Variants in DNAH17 observed in about 807,000 individuals in gnomAD.
DNAH17 encodes dynein axonemal heavy chain 17, also known as axonemal beta dynein heavy chain 17.
Under a neutral mutation model 485.6 loss-of-function variants are expected in DNAH17, and 376 were observed. That is an observed-to-expected ratio of 0.77 (90% CI 0.71 to 0.84). The LOEUF is 0.84. Ranked by LOEUF, DNAH17 falls within the 40% of genes least tolerant of loss-of-function variation. The pLI, the probability that DNAH17 is intolerant of heterozygous loss-of-function variation, is 0.00. For missense variants in DNAH17, 6,370 were observed against 5,839.3 expected (o/e 1.09, Z -2.96); for synonymous variants, 3,031 against 2,405.9 (o/e 1.26, Z -7.60).
intron 14 of DNAH17, among the ~76,000 whole-genome samples, chr17:78,553,389 C>T (rs528132162): frequency 4.3e-4 from 61 of 142,734 alleles, no homozygotes; most frequent in African/African-American, 1.6e-3. Context: ...GCAATCTCTG[C>T]CTCCCGGGTT....
At chr17:78,478,291 TCCA>T (rs947867064) in intron 51 of DNAH17, among the ~76,000 whole-genome samples, 25 of 79,608 alleles carry the variant, frequency 3.1e-4, no homozygotes, top group South Asian at 8.5e-4. Context: ...CATTATCATC[TCCA>T]CCACCATCAC....
In DNAH17 at chr17:78,507,825, A is replaced by G. The variant is rs772205846; in HGVS notation, c.4237-20T>C. 4 of 1,523,770 alleles carry G rather than the reference A, an allele frequency of 2.6e-6. No homozygotes were observed. Among genetic ancestry groups the G allele is most frequent in the South Asian group, 2.4e-5 (2 of 82,424 alleles). 94.4% of individuals were successfully genotyped at this position (1,523,770 alleles called of 1,614,324 possible). A position where few individuals can be genotyped will look rare whatever the true frequency, so the allele number is the denominator to read the frequency against. On this transcript the variant is annotated intron_variant, in intron 27 of 80. Coordinates refer to ENST00000389840, the MANE Select transcript of DNAH17 (RefSeq NM_173628.4). ...CAGCACCTTTTGGGGGAACAGAAAA[A>G]TAAGGTCACTGAGCATTTGGCATGC...
intron 48 of DNAH17, among the ~76,000 whole-genome samples, chr17:78,482,015 AAAAAT>A (rs778585316): frequency 2.0e-5 from 3 of 152,040 alleles, no homozygotes; most frequent in African/African-American, 7.2e-5. Flanking sequence ...ATTTCATTTC[AAAAAT>A]AAAATAAAAT....
intron 20 of DNAH17, among the ~76,000 whole-genome samples, chr17:78,532,208 CTCTT>C (rs913196979): frequency 7.9e-5 from 12 of 152,202 alleles, no homozygotes. Context: ...ACAATAAAGG[CTCTT>C]TATTTTCCCC....
intron 65 of DNAH17, among the ~76,000 whole-genome samples, chr17:78,452,416 T>C (rs1023235564): frequency 6.6e-6 from 1 of 152,044 alleles, no homozygotes; most frequent in Non-Finnish European, 1.5e-5. Context: ...GACTGACACA[T>C]GCGACCACGT....
chr17:78,429,015 C>T, intron 76 of DNAH17, 106 bp downstream of exon 76: 1 of 1,277,386 alleles, frequency 7.8e-7, no homozygotes, highest in Non-Finnish European at 1.1e-6. Context: ...ATTTTGGCTG[C>T]CTGGGTTCTT....
At chr17:78,458,476 C>G in intron 62 of DNAH17, 89 bp downstream of exon 62, 1 of 1,132,518 alleles carries the variant, frequency 8.8e-7, no homozygotes, top group Non-Finnish European at 1.3e-6. Flanking sequence ...CACCTGGGCT[C>G]CCTCCTCTTC....
At chr17:78,434,387 G>C (rs1485566848) in intron 74 of DNAH17, among the ~76,000 whole-genome samples, 167 bp from the exon 75 acceptor site, 5 of 152,164 alleles carry the variant, frequency 3.3e-5, no homozygotes, top group African/African-American at 1.2e-4. Flanking sequence ...CCCGCTGCAA[G>C]GAAAGCTGGG....
intron 73 of DNAH17, 55 bp from the exon 74 acceptor site, chr17:78,437,923 G>A (rs2086905541): frequency 1.5e-6 from 2 of 1,361,006 alleles, no homozygotes; most frequent in East Asian, 4.7e-5. Context: ...TGGCCCACGA[G>A]GAGAGACTGG....
intron 11 of DNAH17, among the ~76,000 whole-genome samples, chr17:78,564,297 A>T (rs2143675687): frequency 6.6e-6 from 1 of 152,258 alleles, no homozygotes; most frequent in Non-Finnish European, 1.5e-5. Context: ...CAGGTGGCAC[A>T]ATCTCCATGT....
chr17:78,548,227 CAG>C (rs1226904545), intron 16 of DNAH17, among the ~76,000 whole-genome samples: 6 of 25,980 alleles, frequency 2.3e-4, no homozygotes, highest in East Asian at 1.2e-3. Context: ...TTTTTGGAGA[CAG>C]AGTCTTGCTC....
In DNAH17 at chr17:78,535,508, G is replaced by A. The variant is rs553273015; in HGVS notation, c.2859+1791C>T. On this transcript the variant is annotated intron_variant, in intron 19 of 80. Coordinates refer to ENST00000389840, the MANE Select transcript of DNAH17 (RefSeq NM_173628.4). Reference sequence around the variant, plus strand: ...ACCACACATGCAAATACGCACACGGGCACATATGCATCCAAGCACACGCGT... The same window carrying A: ...ACCACACATGCAAATACGCACACGGACACATATGCATCCAAGCACACGCGT... 5.9e-5 allele frequency among the ~76,000 whole-genome samples: 9 copies of A among 152,198 alleles called. No homozygotes were observed. In the South Asian group the frequency reaches 1.5e-3, roughly 25 times the overall value.
chr17:78,515,150 C>A, intron 25 of DNAH17, 128 bp from the exon 26 acceptor site: 5 of 1,086,106 alleles, frequency 4.6e-6, no homozygotes, highest in Admixed American at 2.7e-5. Context: ...AACTAATACC[C>A]GAGATCAGTA....
chr17:78,423,964 GTCT>G lies in DNAH17; in HGVS notation c.13328_13330del (p.Lys4443del), dbSNP rs749838869. The stretch of plus-strand genomic sequence containing the variant: ...GATCCACTTCGCTGCCTTCTCTTTG[GTCT>G]TCAAGTTAAAGGTCCAGACATAGGT... On this transcript the variant is annotated inframe_deletion, in exon 81 of 81. Coordinates refer to ENST00000389840, the MANE Select transcript of DNAH17 (RefSeq NM_173628.4). The G allele has an allele frequency of 6.2e-7, 1 of 1,613,914 alleles. No homozygotes were observed. Among genetic ancestry groups the G allele is most frequent in the African/African-American group, 1.3e-5 (1 of 74,932 alleles).
intron 25 of DNAH17, among the ~76,000 whole-genome samples, chr17:78,516,564 C>A (rs980621641): frequency 6.6e-6 from 1 of 152,100 alleles, no homozygotes; most frequent in Admixed American, 6.5e-5. Context: ...ATGGCAGGTG[C>A]CTGTAATCCC....
chr17:78,439,196 A>G lies in DNAH17; in HGVS notation c.11699T>C (p.Ile3900Thr), dbSNP rs767669565. The G allele has an allele frequency of 7.5e-6, 12 of 1,603,790 alleles. No individual in the cohort carries two copies. In the Admixed American group the frequency reaches 1.4e-4, roughly 19 times the overall value. ...EALGKKLGFT[I>T]DNGKLHNVSL... ...CACATTATGGAGTTTTCCATTGTCT[A>G]TGGTAAACCCTAGTTTTTTTCCTAA... The change falls in exon 73 of 81, where the codon ATA becomes ACA. Residue 3900 changes from isoleucine to threonine, a missense_variant. Coordinates refer to ENST00000389840, the MANE Select transcript of DNAH17 (RefSeq NM_173628.4).
chr17:78,490,974 C>T, intron 43 of DNAH17, 127 bp from the exon 44 acceptor site: 1 of 1,198,364 alleles, frequency 8.3e-7, no homozygotes, highest in Non-Finnish European at 1.1e-6. Context: ...GCCCTGCCAC[C>T]CCTGGCCCAC....
chr17:78,478,023 CCACCACCATCA>C (rs1448358673), intron 51 of DNAH17, among the ~76,000 whole-genome samples: 9 of 93,422 alleles, frequency 9.6e-5, no homozygotes, highest in South Asian at 3.1e-4. Context: ...ATCACCATCA[CCACCACCATCA>C]CACCACCATC....
chr17:78,529,596 T>C lies in DNAH17; in HGVS notation c.3383A>G (p.His1128Arg). Residue 1128 changes from histidine to arginine, a missense_variant, in exon 22 of 81, where the codon CAC (histidine) becomes CGC (arginine). By Grantham distance (29) the His-to-Arg change is conservative. Transcript: ENST00000389840. ...TTGCCTCTCCTTGACTTTCATCAGG[T>C]GCCCCATCACCTCCACAAGCCCATC... ...DYDGLVEVMG[H>R]LMKVKERQAA... 3.1e-6 allele frequency: 5 copies of C among 1,613,886 alleles called. No individual in the cohort carries two copies. Among genetic ancestry groups the C allele is most frequent in the Non-Finnish European group, 4.2e-6 (5 of 1,179,874 alleles).
Sources: allele counts gnomAD v4.1 joint callset (sites outside exome capture counted in the v4.1 genomes callset), GRCh38; gene constraint gnomAD v4.1.1; transcripts MANE v1.5; gene names NCBI Gene and HGNC (gene_info 2026-07-23, HGNC 2026-07-21).